The following CYP4X1 variants were observed in gnomAD, a reference collection of about 807,000 sequenced individuals.
CYP4X1 encodes the protein cytochrome P450 family 4 subfamily X member 1.
In CYP4X1, 44 loss-of-function variants were observed where a neutral mutation model predicts 57.9. The ratio of observed to expected loss-of-function variants is 0.76; its 90% CI spans 0.60 to 0.98. The LOEUF (loss-of-function observed/expected upper bound fraction) is 0.98, where lower values mean the gene tolerates loss of function less well. Among genes scored for constraint, CYP4X1 ranks in the 50% least tolerant of loss-of-function variants. The pLI, the probability that CYP4X1 is intolerant of heterozygous loss-of-function variation, is 0.00. For missense variants in CYP4X1, 532 were observed against 623.9 expected (o/e 0.85, Z 1.57); for synonymous variants, 227 against 228.6 (o/e 0.99, Z 0.06).
the CYP4X1 span, among the ~76,000 whole-genome samples, chr1:46,979,038 C>A: frequency 6.6e-6 from 1 of 152,056 alleles, no homozygotes; most frequent in Non-Finnish European, 1.5e-5. Flanking sequence ...GATCTAAAAT[C>A]AATCTCCTAA....
rs1388458730 is a variant in CYP4X1 at position 47,023,880 on chromosome 1, C to T, written c.63C>T (p.Cys21=). The stretch of plus-strand genomic sequence containing the variant: ...CCTTTTACCTGGCGTTCGTGTTCTG[C>T]CTGGCCCTGGGGCTGCTGCAGGCCA... ...ARPFYLAFVF[C]LALGLLQAIK... Residue 21 remains cysteine (C), a synonymous_variant, in exon 1 of 12, where the codon TGC becomes TGT. Transcript: ENST00000371901. The T allele has an allele frequency of 1.2e-5, 19 of 1,613,602 alleles. No homozygotes were observed. The highest frequency in any genetic ancestry group is 1.5e-5 in the Non-Finnish European group (18 of 1,179,994).
chr1:46,971,642 T>C, the CYP4X1 span, among the ~76,000 whole-genome samples: 6 of 152,236 alleles, frequency 3.9e-5, no homozygotes, highest in African/African-American at 9.6e-5. Context: ...TGATCTCTCA[T>C]TGAGGTTTTG....
the CYP4X1 span, among the ~76,000 whole-genome samples, chr1:46,984,710 C>G: frequency 1.3e-5 from 2 of 152,182 alleles, no homozygotes; most frequent in East Asian, 1.9e-4. Context: ...TCTTCGCAAC[C>G]TACAGACCAG....
At chr1:46,973,781 T>C in the CYP4X1 span, among the ~76,000 whole-genome samples, 1 of 152,064 alleles carries the variant, frequency 6.6e-6, no homozygotes, top group Non-Finnish European at 1.5e-5. Context: ...TCCTCTGTCA[T>C]TTCTGATTGT....
chr1:47,054,298 A>G (rs1427446799), downstream of CYP4X1, among the ~76,000 whole-genome samples: 1 of 152,136 alleles, frequency 6.6e-6, no homozygotes, highest in Non-Finnish European at 1.5e-5. Context: ...TGGTACCAGT[A>G]CCATGCTGTT....
upstream of CYP4X1, among the ~76,000 whole-genome samples, chr1:47,021,911 C>A (rs1295454815): frequency 6.6e-6 from 1 of 152,132 alleles, no homozygotes; most frequent in Non-Finnish European, 1.5e-5. Flanking sequence ...AACCCAGGGA[C>A]CGGACCAGGC....
the CYP4X1 span, among the ~76,000 whole-genome samples, chr1:46,962,643 C>T: frequency 6.6e-6 from 1 of 152,198 alleles, no homozygotes; most frequent in African/African-American, 2.4e-5. Context: ...TGTTCTTCTA[C>T]ATTTGCTGAG....
At chr1:46,964,323 T>G in the CYP4X1 span, among the ~76,000 whole-genome samples, 1 of 152,208 alleles carries the variant, frequency 6.6e-6, no homozygotes, top group South Asian at 2.1e-4. Flanking sequence ...CGCTCGATTT[T>G]TAGAGTTTCC....
chr1:46,991,492 G>C, the CYP4X1 span, among the ~76,000 whole-genome samples: 1 of 152,148 alleles, frequency 6.6e-6, no homozygotes, highest in Non-Finnish European at 1.5e-5. Context: ...TCCTATCCCA[G>C]AGCTAATCCC....
the CYP4X1 span, among the ~76,000 whole-genome samples, chr1:46,987,628 T>C: frequency 1.3e-5 from 2 of 152,108 alleles, no homozygotes; most frequent in African/African-American, 4.8e-5. Flanking sequence ...GACCACATAA[T>C]TGGAAATAAA....
chr1:46,994,072 T>C, the CYP4X1 span, among the ~76,000 whole-genome samples: 4 of 152,350 alleles, frequency 2.6e-5, no homozygotes, highest in South Asian at 8.3e-4. Context: ...AGGTCTAACA[T>C]TTAAGTCTTT....
At chr1:47,048,774 A>C in intron 10 of CYP4X1, 145 bp downstream of exon 10, 1 of 800,350 alleles carries the variant, frequency 1.2e-6, no homozygotes, top group East Asian at 2.6e-5. Context: ...AAAGAAATGT[A>C]AAACTATTCT....
At chr1:46,980,799 A>G in the CYP4X1 span, among the ~76,000 whole-genome samples, 1 of 152,204 alleles carries the variant, frequency 6.6e-6, no homozygotes, top group Non-Finnish European at 1.5e-5. Context: ...TCAATGGAAC[A>G]GAACAGAGGC....
At chr1:46,963,578 T>C in the CYP4X1 span, among the ~76,000 whole-genome samples, 2 of 152,254 alleles carry the variant, frequency 1.3e-5, no homozygotes, top group African/African-American at 4.8e-5. Flanking sequence ...TGGCCTCCAC[T>C]CTCTTCTGGC....
At chr1:47,043,361 G>A (rs1644267878) in intron 8 of CYP4X1, among the ~76,000 whole-genome samples, 1 of 152,030 alleles carries the variant, frequency 6.6e-6, no homozygotes, top group South Asian at 2.1e-4. Flanking sequence ...TTAGACCTTT[G>A]TTGGATGTGT....
Position 47,023,884 on chromosome 1 carries a change from G to C in CYP4X1, c.67G>C (p.Ala23Pro). Residue 23 changes from alanine to proline, a missense_variant, in exon 1 of 12, where the codon GCC (alanine) becomes CCC (proline). Physicochemically the swap from Ala to Pro is conservative, Grantham distance 27. Coordinates refer to ENST00000371901, the MANE Select transcript of CYP4X1 (RefSeq NM_178033.2). ...TTACCTGGCGTTCGTGTTCTGCCTG[G>C]CCCTGGGGCTGCTGCAGGCCATTAA... The part of the protein sequence containing the change: ...PFYLAFVFCL[A>P]LGLLQAIKLY... 1 of 1,613,736 alleles carries C rather than the reference G, an allele frequency of 6.2e-7. No individual in the cohort carries two copies. The highest frequency in any genetic ancestry group is 8.5e-7 in the Non-Finnish European group (1 of 1,179,998).
the CYP4X1 span, among the ~76,000 whole-genome samples, chr1:46,964,478 G>C: frequency 6.6e-6 from 1 of 152,200 alleles, no homozygotes; most frequent in Non-Finnish European, 1.5e-5. Flanking sequence ...CTCAGCTGCA[G>C]GTCTGCTGGT....
At chr1:47,010,041 A>T in the CYP4X1 span, among the ~76,000 whole-genome samples, 99 of 152,338 alleles carry the variant, frequency 6.5e-4, no homozygotes, top group African/African-American at 2.1e-3. Flanking sequence ...GAAAGAGGGA[A>T]TCCTCCCTAA....
intron 4 of CYP4X1, among the ~76,000 whole-genome samples, chr1:47,034,477 A>G (rs755667557): frequency 2.6e-5 from 4 of 152,220 alleles, no homozygotes; most frequent in African/African-American, 4.8e-5. Flanking sequence ...CATCATAGAC[A>G]CCTCAAACAC....
Sources: gnomAD v4.1 joint callset for allele counts (sites outside exome capture counted in the v4.1 genomes callset) on GRCh38, gnomAD v4.1.1 for gene constraint, MANE v1.5 for transcripts, NCBI Gene and HGNC (gene_info 2026-07-23, HGNC 2026-07-21) for gene names.